FAR1: variants seen among roughly 807,000 people sequenced by gnomAD.
The protein encoded by FAR1 is male sterility domain-containing protein 2.
A neutral mutation model predicts 61.1 loss-of-function variants in FAR1; 22 were observed. The ratio of observed to expected loss-of-function variants is 0.36; its 90% CI spans 0.26 to 0.51. The LOEUF (loss-of-function observed/expected upper bound fraction) is 0.51. Among genes scored for constraint, FAR1 ranks in the 20% least tolerant of loss-of-function variants. The pLI, the probability that FAR1 is intolerant of heterozygous loss-of-function variation, is 0.95. For synonymous variants in FAR1, 206 were observed against 209.7 expected, an observed-to-expected ratio of 0.98 and a Z score of 0.15; for missense variants, 359 against 626.9, an observed-to-expected ratio of 0.57 and a Z score of 4.56.
At chr11:13,689,526 C>A (rs956368336) in intron 1 of FAR1, among the ~76,000 whole-genome samples, 5 of 152,176 alleles carry the variant, frequency 3.3e-5, no homozygotes, top group African/African-American at 1.2e-4. Flanking sequence ...ATATACCACA[C>A]TGTATATGTT....
At chr11:13,691,619 A>G (rs1480684845) in intron 1 of FAR1, among the ~76,000 whole-genome samples, 2 of 152,236 alleles carry the variant, frequency 1.3e-5, no homozygotes, top group East Asian at 1.9e-4. Context: ...GAAAGGAATC[A>G]TATAGTATGT....
rs1281587983 is a variant in FAR1 at position 13,668,811 on chromosome 11, G to A, written c.-8+5G>A. On this transcript the variant is annotated splice_donor_5th_base_variant and intron_variant, in intron 1 of 11. Transcript: ENST00000354817. ...GGCCTGAGCCTCTGCGTCTAGGTGA[G>A]AAGGGGGTGCGCCAGCGGGAGCGGC... is the stretch of plus-strand genomic sequence containing the variant. 6.5e-6 allele frequency: 1 copy of A among 153,906 alleles called. No homozygotes were observed. The highest frequency in any genetic ancestry group is 2.4e-5 in the African/African-American group (1 of 41,472). The allele number at this position is 153,906 out of a possible 1,614,324, so 9.5% of individuals were successfully genotyped here.
intron 1 of FAR1, among the ~76,000 whole-genome samples, chr11:13,679,249 T>C (rs568525458): frequency 6.6e-6 from 1 of 152,118 alleles, no homozygotes; most frequent in African/African-American, 2.4e-5. Flanking sequence ...AGTGTTAGGA[T>C]TAAAATTTCA....
At chr11:13,704,205 G>A (rs2134186804) in intron 3 of FAR1, among the ~76,000 whole-genome samples, 1 of 152,208 alleles carries the variant, frequency 6.6e-6, no homozygotes, top group South Asian at 2.1e-4. Flanking sequence ...AGAGTTGAGA[G>A]TAATGGAGAG....
chr11:13,693,662 T>C (rs1848277855), intron 1 of FAR1, among the ~76,000 whole-genome samples: 1 of 152,206 alleles, frequency 6.6e-6, no homozygotes, highest in African/African-American at 2.4e-5. Flanking sequence ...ATTTAGGAGA[T>C]TGGTAAAAAG....
chr11:13,724,138 T>A (rs576032550), intron 10 of FAR1, among the ~76,000 whole-genome samples: 1 of 152,318 alleles, frequency 6.6e-6, no homozygotes, highest in South Asian at 2.1e-4. Context: ...TGATAAGGAT[T>A]TGCCTTTGCT....
At chr11:13,708,821 T>G (rs1848467697) in intron 4 of FAR1, among the ~76,000 whole-genome samples, 1 of 152,164 alleles carries the variant, frequency 6.6e-6, no homozygotes, top group Non-Finnish European at 1.5e-5. Flanking sequence ...GGAATCATAG[T>G]CTTTTAATTC....
intron 1 of FAR1, among the ~76,000 whole-genome samples, chr11:13,675,510 G>T (rs1848058732): frequency 6.6e-6 from 1 of 152,114 alleles, no homozygotes; most frequent in Non-Finnish European, 1.5e-5. Flanking sequence ...ACATGTAATT[G>T]GCATACTGTA....
At chr11:13,728,360 CAA>C (rs544187698) in intron 11 of FAR1, among the ~76,000 whole-genome samples, 1 of 150,010 alleles carries the variant, frequency 6.7e-6, no homozygotes, top group Non-Finnish European at 1.5e-5. Context: ...CTAAAGATGT[CAA>C]AAAAAAAGTT....
intron 9 of FAR1, among the ~76,000 whole-genome samples, chr11:13,715,194 G>A (rs1344808716): frequency 6.6e-6 from 1 of 152,126 alleles, no homozygotes; most frequent in Non-Finnish European, 1.5e-5. Context: ...GGTGGTGGCA[G>A]CTTGCTGGAG....
At chr11:13,710,478 C>G (rs1848486042) in intron 4 of FAR1, among the ~76,000 whole-genome samples, 1 of 151,914 alleles carries the variant, frequency 6.6e-6, no homozygotes, top group South Asian at 2.1e-4. Context: ...TCTTAGTTTT[C>G]AGATCTTTTT....
chr11:13,687,844 A>G (rs2134174923), intron 1 of FAR1, among the ~76,000 whole-genome samples: 1 of 151,588 alleles, frequency 6.6e-6, no homozygotes, highest in African/African-American at 2.4e-5. Context: ...TCAGCAAACT[A>G]TCGCAAGGAC....
chr11:13,683,853 GTACT>G (rs2134172210), intron 1 of FAR1, among the ~76,000 whole-genome samples: 1 of 152,314 alleles, frequency 6.6e-6, no homozygotes, highest in African/African-American at 2.4e-5. Context: ...TTCCATTGCA[GTACT>G]TAGTTTCCCT....
At chr11:13,717,308 T>C (rs1206505108) in intron 9 of FAR1, among the ~76,000 whole-genome samples, 2 of 152,156 alleles carry the variant, frequency 1.3e-5, no homozygotes, top group East Asian at 1.9e-4. Flanking sequence ...ATAATTGATA[T>C]GTGAACTAAA....
chr11:13,715,504 A>G (rs1321016834), intron 9 of FAR1, among the ~76,000 whole-genome samples: 1 of 152,306 alleles, frequency 6.6e-6, no homozygotes, highest in Non-Finnish European at 1.5e-5. Flanking sequence ...GTGCAGTTTT[A>G]TGTGAAAAAT....
chr11:13,714,424 T>C, intron 8 of FAR1, 85 bp from the exon 9 acceptor site: 1 of 1,319,716 alleles, frequency 7.6e-7, no homozygotes, highest in Non-Finnish European at 1.0e-6. Flanking sequence ...GTAAAATATT[T>C]TGCATTATAA....
chr11:13,688,223 A>T (rs1185585720), intron 1 of FAR1, among the ~76,000 whole-genome samples: 1 of 148,518 alleles, frequency 6.7e-6, no homozygotes, highest in Non-Finnish European at 1.5e-5. Flanking sequence ...TGGTGGCATT[A>T]TGCTAAGTTG....
At chr11:13,679,868 T>C (rs906843780) in intron 1 of FAR1, among the ~76,000 whole-genome samples, 1 of 152,218 alleles carries the variant, frequency 6.6e-6, no homozygotes, top group Non-Finnish European at 1.5e-5. Flanking sequence ...AGCATCATTA[T>C]ATGAAACAGT....
chr11:13,722,021 A>C (rs1848614983), intron 10 of FAR1, among the ~76,000 whole-genome samples, 162 bp downstream of exon 10: 1 of 152,170 alleles, frequency 6.6e-6, no homozygotes, highest in Non-Finnish European at 1.5e-5. Context: ...GGTGAAATAA[A>C]ATTGCTGTAT....
Sources: allele counts gnomAD v4.1 joint callset (sites outside exome capture counted in the v4.1 genomes callset), GRCh38; gene constraint gnomAD v4.1.1; transcripts MANE v1.5; gene names NCBI Gene and HGNC (gene_info 2026-07-23, HGNC 2026-07-21).